WDR26: variants seen among roughly 807,000 people sequenced by gnomAD.
WDR26 encodes WD repeat-containing protein 26.
In WDR26, 5 loss-of-function variants were observed where a neutral mutation model predicts 84.1. The observed-to-expected ratio is 0.06, with a 90% CI of 0.03 to 0.13. The LOEUF (loss-of-function observed/expected upper bound fraction) is 0.13, where lower values mean the gene tolerates loss of function less well. Among genes scored for constraint, WDR26 ranks in the 10% least tolerant of loss-of-function variants. The pLI is 1.00. For missense variants in WDR26, 642 were observed against 974.9 expected (o/e 0.66, Z 4.55); for synonymous variants, 415 against 389.6 (o/e 1.07, Z -0.77).
chr1:224,409,726 C>T (rs1468506212), intron 7 of WDR26, among the ~76,000 whole-genome samples: 1 of 151,456 alleles, frequency 6.6e-6, no homozygotes, highest in Admixed American at 6.6e-5. Flanking sequence ...AGCTGGGCGT[C>T]GTGGTGCCTG....
intron 8 of WDR26, among the ~76,000 whole-genome samples, chr1:224,402,983 G>T (rs889777560): frequency 6.6e-6 from 1 of 151,962 alleles, no homozygotes; most frequent in Non-Finnish European, 1.5e-5. Context: ...ACATGCTTAA[G>T]TATTTAGGGT....
chr1:224,399,127 G>C (rs916906689), intron 9 of WDR26, 93 bp from the exon 10 acceptor site: 1 of 1,211,918 alleles, frequency 8.3e-7, no homozygotes, highest in African/African-American at 1.6e-5. Flanking sequence ...ATATCTTTTA[G>C]TAACAGGTTT....
At chr1:224,432,526 A>G (rs1003691420) in intron 1 of WDR26, among the ~76,000 whole-genome samples, 2 of 152,216 alleles carry the variant, frequency 1.3e-5, no homozygotes, top group East Asian at 3.8e-4. Context: ...CTGGTATCTA[A>G]GAACCTTCAT....
chr1:224,424,607 C>T lies in WDR26; in HGVS notation c.975G>A (p.Glu325=). ...GAAGTGCCTCCAGGACCTTGCCATCCTCCAGGTATTCTAGGTACTTCTGCT... is the reference window on the plus strand; with the variant it reads ...GAAGTGCCTCCAGGACCTTGCCATCTTCCAGGTATTCTAGGTACTTCTGCT... The change falls in exon 4 of 14, where the codon GAG becomes GAA. Residue 325 remains glutamate (E), a synonymous_variant. Coordinates refer to ENST00000414423, the MANE Select transcript of WDR26 (RefSeq NM_001379403.1). 6.2e-7 allele frequency: 1 copy of T among 1,614,162 alleles called. No individual in the cohort carries two copies. Among genetic ancestry groups the T allele is most frequent in the Non-Finnish European group, 8.5e-7 (1 of 1,180,032 alleles).
At chr1:224,402,841 CA>C (rs1168621301) in intron 8 of WDR26, among the ~76,000 whole-genome samples, 1 of 152,030 alleles carries the variant, frequency 6.6e-6, no homozygotes. Flanking sequence ...GCTGATTTGA[CA>C]AAAATGGCAT....
At chr1:224,402,379 C>A (rs1400850070) in intron 8 of WDR26, among the ~76,000 whole-genome samples, 1 of 152,158 alleles carries the variant, frequency 6.6e-6, no homozygotes, top group Non-Finnish European at 1.5e-5. Context: ...TTTCCATTGA[C>A]AAATACATTA....
chr1:224,411,535 T>C lies in WDR26; in HGVS notation c.1350A>G (p.Ile450Met). 1.2e-6 allele frequency: 2 copies of C among 1,612,312 alleles called. No homozygotes were observed. Among genetic ancestry groups the C allele is most frequent in the Non-Finnish European group, 1.7e-6 (2 of 1,179,286 alleles). ...ACACTTCATTACAATGCTCCGTAAG[T>C]ATCTGCTGCGTATAACATGGGAACT... Residue 450 changes from isoleucine to methionine, a missense_variant, in exon 7 of 14, where the codon ATA becomes ATG. Transcript: ENST00000414423.
intron 13 of WDR26, 46 bp from the exon 14 acceptor site, chr1:224,389,906 G>GGGGA: frequency 2.1e-6 from 1 of 470,796 alleles, no homozygotes; most frequent in Non-Finnish European, 4.0e-6. Flanking sequence ...GCGGGGGAGG[G>GGGGA]AAGAGGGGAA....
Position 224,389,863 on chromosome 1 carries a change from G to A in WDR26, c.2261-3C>T. 1.1e-6 allele frequency: 1 copy of A among 947,488 alleles called. No homozygotes were observed. The highest frequency in any genetic ancestry group is 1.4e-6 in the Non-Finnish European group (1 of 708,646). The allele number at this position is 947,488 out of a possible 1,614,324, so 58.7% of individuals were successfully genotyped here. On this transcript the variant is annotated splice_region_variant and splice_polypyrimidine_tract_variant and intron_variant, in intron 13 of 13. Transcript: ENST00000414423. Reference sequence around the variant, plus strand: ...ACTATCCATGCTACTGCATTCCTCTGAATGAAGACAAGATGAAATGTATGG... The same window carrying A: ...ACTATCCATGCTACTGCATTCCTCTAAATGAAGACAAGATGAAATGTATGG...
intron 13 of WDR26, among the ~76,000 whole-genome samples, chr1:224,391,047 T>C (rs1175309989): frequency 6.6e-6 from 1 of 151,978 alleles, no homozygotes; most frequent in Non-Finnish European, 1.5e-5. Flanking sequence ...TACTGTAGCA[T>C]GCATCGGTAC....
chr1:224,431,985 T>C (rs1335788478), intron 1 of WDR26, among the ~76,000 whole-genome samples: 1 of 152,210 alleles, frequency 6.6e-6, no homozygotes, highest in Non-Finnish European at 1.5e-5. Flanking sequence ...AAAACCTTTC[T>C]TGAAACCAGA....
chr1:224,385,770 C>A lies in WDR26; in HGVS notation c.*4065G>T, dbSNP rs1368802554. 1 of 152,530 alleles carries A rather than the reference C, an allele frequency of 6.6e-6. No homozygotes were observed. Among genetic ancestry groups the A allele is most frequent in the Non-Finnish European group, 1.5e-5 (1 of 68,020 alleles). The allele number at this position is 152,530 out of a possible 1,614,324, so 9.4% of individuals were successfully genotyped here. ...TGCCTAAAAATGTTACAATTCAGTT[C>A]TAGCACATTGACCCTGATAATGAAA... On this transcript the variant is annotated 3_prime_UTR_variant, in exon 14 of 14. Coordinates refer to ENST00000414423, the MANE Select transcript of WDR26 (RefSeq NM_001379403.1).
intron 1 of WDR26, 90 bp downstream of exon 1, chr1:224,433,594 C>CCCCCCTCCCCCCCCCCCCCCCT: frequency 2.0e-5 from 14 of 708,308 alleles, no homozygotes; most frequent in Admixed American, 6.1e-5. Flanking sequence ...CTCTTTCAAG[C>CCCCCCTCCCCCCCCCCCCCCCT]CCCCCTCCCC....
At chr1:224,403,345 C>A (rs1012186450) in intron 8 of WDR26, among the ~76,000 whole-genome samples, 1 of 152,216 alleles carries the variant, frequency 6.6e-6, no homozygotes, top group East Asian at 1.9e-4. Flanking sequence ...CCACCGCGCC[C>A]GGCCACAAAT....
At chr1:224,428,016 T>G (rs557412128) in intron 3 of WDR26, among the ~76,000 whole-genome samples, 34 of 152,276 alleles carry the variant, frequency 2.2e-4, no homozygotes, top group African/African-American at 7.7e-4. Context: ...AACTCCCAAC[T>G]AGATCTCTTA....
rs1335743298 is a variant in WDR26 at position 224,433,975 on chromosome 1, G to A, written c.431C>T (p.Pro144Leu). 2 of 1,530,070 alleles carry A rather than the reference G, an allele frequency of 1.3e-6. No homozygotes were observed. Among genetic ancestry groups the A allele is most frequent in the South Asian group, 1.2e-5 (1 of 83,800 alleles). 94.8% of individuals were successfully genotyped at this position (1,530,070 alleles called of 1,614,324 possible). The change falls in exon 1 of 14, where the codon CCC (proline) becomes CTC (leucine). Residue 144 changes from proline (P) to leucine (L), a missense_variant. By Grantham distance (98) the Pro-to-Leu change is moderately conservative. Coordinates refer to ENST00000414423, the MANE Select transcript of WDR26 (RefSeq NM_001379403.1). ...GTCCCCCGCGGACGACGACGACGAG[G>A]GGGACGACTCCCCGTTCTGGGCCGA... is the stretch of plus-strand genomic sequence containing the variant.
In WDR26 at chr1:224,411,446, A is replaced by G. The variant is rs1673734276; in HGVS notation, c.1439T>C (p.Ile480Thr). ...ACATACCGGATCAACTTGCCATATG[A>G]TAACTGTTGTATCTTTTGATCCTGT... Residue 480 changes from isoleucine (I) to threonine (T), a missense_variant, in exon 7 of 14, where the codon ATC becomes ACC. By Grantham distance (89) the Ile-to-Thr change is moderately conservative (BLOSUM62 -1). Coordinates refer to ENST00000414423, the MANE Select transcript of WDR26 (RefSeq NM_001379403.1). The G allele has an allele frequency of 5.0e-6, 8 of 1,611,246 alleles. No homozygotes were observed. The highest frequency in any genetic ancestry group is 6.8e-6 in the Non-Finnish European group (8 of 1,178,996).
At position 224,386,132 on chromosome 1, in the gene WDR26, A is replaced by C. The variant is rs1672986731; in HGVS notation, c.*3703T>G. 1 of 152,638 alleles carries C rather than the reference A, an allele frequency of 6.6e-6. No homozygotes were observed. The highest frequency in any genetic ancestry group is 1.5e-5 in the Non-Finnish European group (1 of 68,024). 9.5% of individuals were successfully genotyped at this position (152,638 alleles called of 1,614,324 possible). A position where few individuals can be genotyped will look rare whatever the true frequency, so the allele number is the denominator to read the frequency against. On this transcript the variant is annotated 3_prime_UTR_variant, in exon 14 of 14. Transcript: ENST00000414423. ...TAACAACACTGAAAAATTTCAATTA[A>C]GTTCACCCTGTTTTTAGAAAGTGTC...
intron 8 of WDR26, among the ~76,000 whole-genome samples, chr1:224,403,065 C>G (rs1384803038): frequency 6.6e-6 from 1 of 151,716 alleles, no homozygotes; most frequent in Non-Finnish European, 1.5e-5. Context: ...TACAAATGCA[C>G]ATTTCTTTTT....
Sources: allele counts gnomAD v4.1 joint callset (sites outside exome capture counted in the v4.1 genomes callset), GRCh38; gene constraint gnomAD v4.1.1; transcripts MANE v1.5; gene names NCBI Gene and HGNC (gene_info 2026-07-23, HGNC 2026-07-21).